Variants in RTTN observed in about 807,000 individuals in gnomAD.
The protein encoded by RTTN is rotatin.
In RTTN, 182 loss-of-function variants were observed where a neutral mutation model predicts 269.2. That is an observed-to-expected ratio of 0.68 (90% CI 0.60 to 0.76). The LOEUF (loss-of-function observed/expected upper bound fraction) is 0.76, where lower values mean the gene tolerates loss of function less well. RTTN is among the 30% of genes least tolerant of loss of function. RTTN has a pLI of 0.00. For missense variants in RTTN, 2,545 were observed against 2,608.6 expected, an observed-to-expected ratio of 0.98 and a Z score of 0.53; for synonymous variants, 1,006 against 963.5, an observed-to-expected ratio of 1.04 and a Z score of -0.82.
At chr18:70,178,816 TTAGAG>T (rs2061359231) in intron 10 of RTTN, among the ~76,000 whole-genome samples, 1 of 152,042 alleles carries the variant, frequency 6.6e-6, no homozygotes, top group South Asian at 2.1e-4. Flanking sequence ...GCAAAATAAA[TTAGAG>T]TAATTTTCTA....
chr18:70,087,697 C>T (rs2058736877), intron 31 of RTTN, among the ~76,000 whole-genome samples: 1 of 152,086 alleles, frequency 6.6e-6, no homozygotes, highest in African/African-American at 2.4e-5. Flanking sequence ...CCCATAAATG[C>T]TGAGATAATA....
rs968341324 is a variant in RTTN at position 70,127,794 on chromosome 18, G to C, written c.3144-53C>G. On this transcript the variant is annotated intron_variant, in intron 24 of 48. Coordinates refer to ENST00000640769, the MANE Select transcript of RTTN (RefSeq NM_173630.4). ...GGAACATAAAGCTATTTAAATAAAA[G>C]CTCACACTTATTTCTATTATAAACT... 4 of 1,478,810 alleles carry C rather than the reference G, an allele frequency of 2.7e-6. No individual in the cohort carries two copies. The Admixed American group carries it at 5.8e-5, about 22-fold the overall frequency. 91.6% of individuals were successfully genotyped at this position (1,478,810 alleles called of 1,614,324 possible).
chr18:70,033,105 A>G (rs1246711889), intron 40 of RTTN, among the ~76,000 whole-genome samples: 3 of 152,206 alleles, frequency 2.0e-5, no homozygotes, highest in Admixed American at 2.0e-4. Context: ...CCTGTAACAG[A>G]GTTCTCGTGA....
At chr18:70,144,112 G>A (rs2145743637) in intron 18 of RTTN, among the ~76,000 whole-genome samples, 1 of 152,224 alleles carries the variant, frequency 6.6e-6, no homozygotes, top group African/African-American at 2.4e-5. Context: ...CTCCCATAGT[G>A]CTGGGATTAC....
At chr18:70,079,609 A>C (rs369267010) in intron 32 of RTTN, among the ~76,000 whole-genome samples, 2 of 152,152 alleles carry the variant, frequency 1.3e-5, no homozygotes, top group Non-Finnish European at 2.9e-5. Context: ...AGACTTCTGT[A>C]TCATGACTAG....
chr18:70,008,039 G>A lies in RTTN; in HGVS notation c.6422-1555C>T, dbSNP rs915385200. 5.1e-5 allele frequency: 8 copies of A among 156,244 alleles called. No homozygotes were observed. The East Asian group carries it at 1.5e-3, about 29-fold the overall frequency. 9.7% of individuals were successfully genotyped at this position (156,244 alleles called of 1,614,324 possible). A position where few individuals can be genotyped will look rare whatever the true frequency, so the allele number is the denominator to read the frequency against. ...CTGGCATCTGGGGGGTGCCCTCTGG[G>A]ATGAAGCTTCCAGAGGAAGGAGCAG... On this transcript the variant is annotated intron_variant, in intron 46 of 48. Coordinates refer to ENST00000640769, the MANE Select transcript of RTTN (RefSeq NM_173630.4).
At chr18:70,158,843 T>C (rs1007742318) in intron 14 of RTTN, among the ~76,000 whole-genome samples, 4 of 152,046 alleles carry the variant, frequency 2.6e-5, no homozygotes, top group Admixed American at 2.0e-4. Context: ...ATCAAAAGGA[T>C]AAAGAAAGGC....
At chr18:70,122,795 T>C (rs950762775) in intron 25 of RTTN, among the ~76,000 whole-genome samples, 1 of 152,188 alleles carries the variant, frequency 6.6e-6, no homozygotes, top group African/African-American at 2.4e-5. Flanking sequence ...TGCCGGATTA[T>C]GAAAATTGAG....
At position 70,150,733 on chromosome 18, in the gene RTTN, C is replaced by A; in HGVS notation, c.1930G>T (p.Glu644Ter). 2 of 1,568,486 alleles carry A rather than the reference C, an allele frequency of 1.3e-6. No individual in the cohort carries two copies. The highest frequency in any genetic ancestry group is 1.7e-6 in the Non-Finnish European group (2 of 1,155,320). ...TYHCCLEITK[E>*]CLGVHNVTKP... is the part of the protein sequence containing the mutation. The stretch of plus-strand genomic sequence containing the variant: ...GTGACATTATGGACACCTAAACATT[C>A]CTGTAAAATAATATTAAAAAGTATT... The change falls in exon 15 of 49, where the codon GAA (glutamate) becomes TAA (stop). Residue 644 changes from glutamate (E) to a stop codon, truncating the protein, a stop_gained and splice_region_variant. Transcript: ENST00000640769. LOFTEE classifies it high-confidence loss of function.
chr18:70,051,340 C>A (rs1191735795), intron 39 of RTTN, 71 bp downstream of exon 39: 2 of 1,486,628 alleles, frequency 1.3e-6, no homozygotes, highest in African/African-American at 2.8e-5. Flanking sequence ...AATTTACATA[C>A]CTAAACAGGC....
intron 11 of RTTN, among the ~76,000 whole-genome samples, chr18:70,175,806 T>A (rs2061276552): frequency 6.6e-6 from 1 of 151,756 alleles, no homozygotes; most frequent in South Asian, 2.1e-4. Context: ...AAAGAAAAGG[T>A]TCCATGACAT....
intron 14 of RTTN, among the ~76,000 whole-genome samples, chr18:70,163,137 A>T (rs2060892215): frequency 6.8e-6 from 1 of 147,684 alleles, no homozygotes; most frequent in African/African-American, 2.5e-5. Flanking sequence ...TAATCCCAGC[A>T]CTTTGGGAGG....
chr18:70,006,008 G>A (rs745936620), intron 47 of RTTN: 2 of 170,016 alleles, frequency 1.2e-5, no homozygotes, highest in African/African-American at 4.8e-5. Flanking sequence ...CTAGATAAAG[G>A]GGAATTGTAC....
At chr18:70,125,966 A>C (rs1189251608) in intron 25 of RTTN, among the ~76,000 whole-genome samples, 2 of 152,072 alleles carry the variant, frequency 1.3e-5, no homozygotes, top group Non-Finnish European at 2.9e-5. Flanking sequence ...GAATATTTAT[A>C]AATTAGGCAG....
Position 70,086,769 on chromosome 18 carries a change from A to T in RTTN, c.4303-85T>A, listed in dbSNP as rs2058713079. On this transcript the variant is annotated intron_variant, in intron 31 of 48. Coordinates refer to ENST00000640769, the MANE Select transcript of RTTN (RefSeq NM_173630.4). ...GCCATCTTGTGGTCATCTCTGAAAT[A>T]ACCAATATATTGTAATTAATAGCAA... is the stretch of plus-strand genomic sequence containing the variant. The T allele has an allele frequency of 2.4e-6, 3 of 1,244,800 alleles. No homozygotes were observed. The South Asian group carries it at 4.0e-5, about 17-fold the overall frequency. 77.1% of individuals were successfully genotyped at this position (1,244,800 alleles called of 1,614,324 possible).
intron 23 of RTTN, among the ~76,000 whole-genome samples, chr18:70,134,128 A>G (rs766937268): frequency 2.6e-5 from 4 of 152,042 alleles, no homozygotes; most frequent in Non-Finnish European, 4.4e-5. Flanking sequence ...CTTATTTCCA[A>G]TTGGTGGGTG....
intron 35 of RTTN, 70 bp from the exon 36 acceptor site, chr18:70,060,112 T>A: frequency 1.6e-6 from 2 of 1,268,564 alleles, no homozygotes; most frequent in African/African-American, 1.5e-5. Flanking sequence ...AAAGTTCTTA[T>A]AATCATAGGA....
At chr18:70,041,305 T>C (rs1275498650) in intron 40 of RTTN, among the ~76,000 whole-genome samples, 1 of 152,030 alleles carries the variant, frequency 6.6e-6, no homozygotes, top group Non-Finnish European at 1.5e-5. Context: ...TTAAGACTCC[T>C]AAGGAAATAG....
intron 25 of RTTN, 132 bp from the exon 26 acceptor site, chr18:70,121,832 T>G (rs2059746217): frequency 4.8e-6 from 4 of 826,834 alleles, no homozygotes; most frequent in Non-Finnish European, 7.0e-6. Flanking sequence ...TTAAATGCTT[T>G]GGAAAATGCA....
Sources: allele counts gnomAD v4.1 joint callset (sites outside exome capture counted in the v4.1 genomes callset), GRCh38; gene constraint gnomAD v4.1.1; transcripts MANE v1.5; gene names NCBI Gene and HGNC (gene_info 2026-07-23, HGNC 2026-07-21).